The following PDZD2 variants were observed in gnomAD, a reference collection of about 807,000 sequenced individuals.
The protein encoded by PDZD2 is PDZ domain containing 2.
In PDZD2, 90 loss-of-function variants were observed where a neutral mutation model predicts 220.7. The observed-to-expected ratio is 0.41, with a 90% CI of 0.34 to 0.49. PDZD2 has a LOEUF of 0.49. PDZD2 is among the 20% of genes least tolerant of loss of function. The probability of loss-of-function intolerance (pLI) is 0.28; values close to 1 mark genes in which losing one functional copy is unlikely to be tolerated. For missense variants in PDZD2, 3,174 were observed against 3,608.5 expected (o/e 0.88, Z 3.08); for synonymous variants, 1,375 against 1,450.5 (o/e 0.95, Z 1.18).
intron 2 of PDZD2, among the ~76,000 whole-genome samples, chr5:31,900,209 G>T (rs1741951577): frequency 1.3e-5 from 2 of 152,196 alleles, no homozygotes; most frequent in African/African-American, 4.8e-5. Flanking sequence ...CTCAGTTGGA[G>T]ATTCCAGGGA....
At chr5:32,024,682 CAAAAAA>C (rs1247455994) in intron 6 of PDZD2, among the ~76,000 whole-genome samples, 1 of 33,522 alleles carries the variant, frequency 3.0e-5, no homozygotes, top group African/African-American at 7.2e-5. Context: ...GACTTCATCT[CAAAAAA>C]AAAAAGAAAG....
At chr5:31,797,227 G>C (rs565206931) in intron 1 of PDZD2, among the ~76,000 whole-genome samples, 50 of 150,682 alleles carry the variant, frequency 3.3e-4, no homozygotes, top group African/African-American at 1.1e-3. Context: ...ACAGGCGTGA[G>C]CCACTGTGCC....
chr5:31,740,751 C>T (rs1200098286), intron 1 of PDZD2, among the ~76,000 whole-genome samples: 2 of 152,020 alleles, frequency 1.3e-5, no homozygotes, highest in East Asian at 3.9e-4. Flanking sequence ...AATTTTTTCC[C>T]TTGCAAATTG....
intron 1 of PDZD2, among the ~76,000 whole-genome samples, chr5:31,787,364 T>C (rs976146663): frequency 6.6e-6 from 1 of 152,198 alleles, no homozygotes; most frequent in African/African-American, 2.4e-5. Context: ...ACATCCTGAG[T>C]AAACAGTCTT....
At chr5:32,042,030 A>G (rs1019849978) in intron 7 of PDZD2, among the ~76,000 whole-genome samples, 3 of 39,832 alleles carry the variant, frequency 7.5e-5, no homozygotes, top group African/African-American at 1.7e-4. Context: ...CCTGGCTAAC[A>G]CGGTGAAACC....
At chr5:31,882,101 G>C (rs1242315479) in intron 2 of PDZD2, among the ~76,000 whole-genome samples, 2 of 152,188 alleles carry the variant, frequency 1.3e-5, no homozygotes, top group Non-Finnish European at 2.9e-5. Flanking sequence ...AAAGTTGACA[G>C]CTTAATGGAC....
At chr5:31,694,169 T>A (rs1047852982) in intron 1 of PDZD2, among the ~76,000 whole-genome samples, 48 of 152,230 alleles carry the variant, frequency 3.2e-4, no homozygotes, top group African/African-American at 9.6e-4. Flanking sequence ...GGTGGGCAGA[T>A]CACTTGAGGC....
intron 1 of PDZD2, among the ~76,000 whole-genome samples, chr5:31,770,812 C>T (rs919335): frequency 0.58 from 86,883 of 150,848 alleles, 25,771 homozygotes; most frequent in Middle Eastern, 0.68. Context: ...CTTAGAGCCT[C>T]AAATTTAGAA....
chr5:31,753,273 C>A (rs1484060658), intron 1 of PDZD2, among the ~76,000 whole-genome samples: 1 of 152,180 alleles, frequency 6.6e-6, no homozygotes. Flanking sequence ...TGATGAGGGG[C>A]ACGGATGCAG....
intron 1 of PDZD2, among the ~76,000 whole-genome samples, chr5:31,715,036 G>T (rs1748356882): frequency 7.0e-6 from 1 of 142,448 alleles, no homozygotes; most frequent in South Asian, 2.3e-4. Flanking sequence ...TCCAGCCTAG[G>T]CAACAGAGCG....
At position 32,087,333 on chromosome 5, in the gene PDZD2, A is replaced by C. The variant is rs776712440; in HGVS notation, c.3885A>C (p.Lys1295Asn). Reference sequence around the variant, plus strand: ...AGGGCAGCCCCTCCCCGGGGGAGAAAGCAGCGGCTCCCCCTGACTACAGCA... The same window carrying C: ...AGGGCAGCCCCTCCCCGGGGGAGAACGCAGCGGCTCCCCCTGACTACAGCA... ...PHEGSPSPGE[K>N]AAAPPDYSKT... Residue 1295 changes from lysine (K) to asparagine (N), a missense_variant, in exon 20 of 25, where the codon AAA (lysine) becomes AAC (asparagine). Physicochemically the swap from Lys to Asn is moderately conservative, Grantham distance 94. Around this residue, in one of 4 missense-constraint regions of PDZD2, gnomAD observed 1,861 missense variants for 2,001.0 expected, o/e 0.93. Transcript: ENST00000438447. This position sits in a 1 kb window ranked among gnomAD's most constrained non-coding sequence, Gnocchi z 4.0. The C allele has an allele frequency of 6.2e-7, 1 of 1,614,072 alleles. No individual in the cohort carries two copies. Among genetic ancestry groups the C allele is most frequent in the Non-Finnish European group, 8.5e-7 (1 of 1,179,944 alleles).
chr5:32,048,343 A>G (rs1209856495), intron 7 of PDZD2, among the ~76,000 whole-genome samples, 196 bp from the exon 8 acceptor site: 4 of 152,132 alleles, frequency 2.6e-5, no homozygotes, highest in African/African-American at 7.2e-5. Flanking sequence ...GCCTGACACT[A>G]ATGGCTTCAG....
rs372499652 is a variant in PDZD2 at position 32,090,857 on chromosome 5, G to A, written c.7409G>A (p.Arg2470His). 5.9e-5 allele frequency: 96 copies of A among 1,613,872 alleles called. No individual in the cohort carries two copies. The highest frequency in any genetic ancestry group is 7.9e-5 in the Non-Finnish European group (93 of 1,180,026). Residue 2470 changes from arginine (R) to histidine (H), a missense_variant, in exon 20 of 25, where the codon CGC becomes CAC. Arg to His is a conservative substitution (Grantham distance 29). Coordinates refer to ENST00000438447, the MANE Select transcript of PDZD2 (RefSeq NM_178140.4). This position sits in a 1 kb window ranked among gnomAD's most constrained non-coding sequence, Gnocchi z 4.3. ...SPVKRNKSSV[R>H]HTQPSPVSRS... ...GTTAAGAGGAACAAGTCCTCGGTACGCCACACGCAGCCCTCGCCCGTGTCC... is the reference window on the plus strand; with the variant it reads ...GTTAAGAGGAACAAGTCCTCGGTACACCACACGCAGCCCTCGCCCGTGTCC...
chr5:31,726,665 AG>A (rs1749162029), intron 1 of PDZD2, among the ~76,000 whole-genome samples: 1 of 152,182 alleles, frequency 6.6e-6, no homozygotes, highest in African/African-American at 2.4e-5. Flanking sequence ...GGATTGCAGG[AG>A]GACAGAGGGT....
intron 2 of PDZD2, among the ~76,000 whole-genome samples, chr5:31,928,428 T>C (rs1744980059): frequency 1.3e-5 from 2 of 152,172 alleles, no homozygotes; most frequent in African/African-American, 4.8e-5. Context: ...TCCCAAAATA[T>C]AGAATGTATT....
intron 2 of PDZD2, among the ~76,000 whole-genome samples, chr5:31,917,805 C>G (rs760603555): frequency 2.1e-4 from 32 of 152,198 alleles, no homozygotes; most frequent in Admixed American, 8.5e-4. Flanking sequence ...TGCAATGGCG[C>G]GATCTCGGCT....
intron 1 of PDZD2, among the ~76,000 whole-genome samples, chr5:31,678,908 A>G (rs903154499): frequency 1.5e-4 from 23 of 152,076 alleles, no homozygotes; most frequent in Admixed American, 1.2e-3. Flanking sequence ...TGCCCAGCCT[A>G]TATTTCTTTT....
At chr5:31,830,102 A>G (rs1363468106) in intron 2 of PDZD2, among the ~76,000 whole-genome samples, 4 of 151,746 alleles carry the variant, frequency 2.6e-5, no homozygotes, top group Non-Finnish European at 5.9e-5. Context: ...ATTTTTTCCA[A>G]CTGTTTCATT....
At chr5:31,957,171 G>C (rs1457114672) in intron 2 of PDZD2, among the ~76,000 whole-genome samples, 1 of 152,168 alleles carries the variant, frequency 6.6e-6, no homozygotes, top group South Asian at 2.1e-4. Flanking sequence ...TGAGTAGTTG[G>C]AACTACGGGC....
Sources: allele counts gnomAD v4.1 joint callset (sites outside exome capture counted in the v4.1 genomes callset), GRCh38; gene constraint gnomAD v4.1.1; regional missense constraint gnomAD v4.1.1; non-coding constraint Gnocchi (gnomAD v3.1); transcripts MANE v1.5; gene names NCBI Gene and HGNC (gene_info 2026-07-23, HGNC 2026-07-21).